Variants in NXPH1 observed in about 807,000 individuals in gnomAD.
NXPH1 encodes neurexophilin-1.
Under a neutral mutation model 23.7 loss-of-function variants are expected in NXPH1, and 5 were observed. The ratio of observed to expected loss-of-function variants is 0.21; its 90% CI spans 0.11 to 0.44. The LOEUF is 0.44. Among genes scored for constraint, NXPH1 ranks in the 20% least tolerant of loss-of-function variants. The probability of loss-of-function intolerance (pLI) is 0.99; values close to 1 mark genes in which losing one functional copy is unlikely to be tolerated. For synonymous variants in NXPH1, 144 were observed against 122.2 expected, an observed-to-expected ratio of 1.18 and a Z score of -1.18; for missense variants, 324 against 321.6, an observed-to-expected ratio of 1.01 and a Z score of -0.06.
chr7:8,717,248 G>C (rs933077344), intron 2 of NXPH1, among the ~76,000 whole-genome samples: 7 of 151,920 alleles, frequency 4.6e-5, no homozygotes, highest in African/African-American at 1.7e-4. Flanking sequence ...TTCTTGTTCT[G>C]ATTTTAAGAA....
At chr7:8,440,654 G>A (rs1368014436) in intron 2 of NXPH1, among the ~76,000 whole-genome samples, 1 of 151,986 alleles carries the variant, frequency 6.6e-6, no homozygotes. Context: ...GGTAATAACC[G>A]TCGTCGACAA....
chr7:8,639,008 T>C lies in NXPH1; in HGVS notation c.55-112000T>C, dbSNP rs539778988. ...AGATAATAACATTTAATGAAACATATATTGAAACTATGAAATGAAATGTAT... is the reference window on the plus strand; with the variant it reads ...AGATAATAACATTTAATGAAACATACATTGAAACTATGAAATGAAATGTAT... On this transcript the variant is annotated intron_variant, in intron 2 of 2. Transcript: ENST00000405863. 6.7e-3 allele frequency among the ~76,000 whole-genome samples: 1,018 copies of C among 152,236 alleles called. 16 individuals carry two copies. Among genetic ancestry groups the C allele is most frequent in the African/African-American group, 0.023 (964 of 41,544 alleles).
chr7:8,688,563 ATC>A (rs1410889768), intron 2 of NXPH1, among the ~76,000 whole-genome samples: 1 of 152,192 alleles, frequency 6.6e-6, no homozygotes, highest in Non-Finnish European at 1.5e-5. Context: ...CAGGTCATTG[ATC>A]TGTTGCATGA....
At chr7:8,461,067 A>G (rs1035970825) in intron 2 of NXPH1, among the ~76,000 whole-genome samples, 8 of 152,214 alleles carry the variant, frequency 5.3e-5, no homozygotes, top group African/African-American at 1.2e-4. Context: ...TGTGGTAGCC[A>G]TTGTCTCTTT....
At chr7:8,563,512 A>G (rs1056769369) in intron 2 of NXPH1, among the ~76,000 whole-genome samples, 56 of 151,802 alleles carry the variant, frequency 3.7e-4, no homozygotes, top group African/African-American at 1.4e-3. Context: ...TATTGATGAC[A>G]TAGGAAAGGA....
At chr7:8,684,363 C>T (rs557274885) in intron 2 of NXPH1, among the ~76,000 whole-genome samples, 14 of 152,138 alleles carry the variant, frequency 9.2e-5, no homozygotes, top group East Asian at 3.9e-4. Flanking sequence ...CTTTGATATG[C>T]GATACTTGAT....
rs1816185099 is a variant in NXPH1, at chr7:8,435,879, T to C, written c.54+112T>C. On this transcript the variant is annotated intron_variant, in intron 2 of 2. Transcript: ENST00000405863. This position sits in a 1 kb window ranked among gnomAD's most constrained non-coding sequence, Gnocchi z 5.9. ...CGCCAGTTCAGTGAGAGCAGCTTCC[T>C]AGCAGCTGTGTTGGAGCAACTTTGG... 9.8e-7 allele frequency: 1 copy of C among 1,017,398 alleles called. No individual in the cohort carries two copies. Among genetic ancestry groups the C allele is most frequent in the East Asian group, 2.4e-5 (1 of 42,134 alleles). The allele number at this position is 1,017,398 out of a possible 1,614,324, so 63.0% of individuals were successfully genotyped here. A position where few individuals can be genotyped will look rare whatever the true frequency, so the allele number is the denominator to read the frequency against.
At chr7:8,483,804 T>G (rs1817113234) in intron 2 of NXPH1, among the ~76,000 whole-genome samples, 1 of 152,114 alleles carries the variant, frequency 6.6e-6, no homozygotes, top group African/African-American at 2.4e-5. Context: ...TTCTCCAAGG[T>G]CCATAGAAGT....
At chr7:8,510,565 G>A (rs1817594975) in intron 2 of NXPH1, among the ~76,000 whole-genome samples, 1 of 152,066 alleles carries the variant, frequency 6.6e-6, no homozygotes, top group African/African-American at 2.4e-5. Flanking sequence ...ATTTTTTAAA[G>A]TTTGGTGACT....
chr7:8,680,304 A>T (rs1164482443), intron 2 of NXPH1, among the ~76,000 whole-genome samples: 1 of 152,218 alleles, frequency 6.6e-6, no homozygotes, highest in Admixed American at 6.5e-5. Flanking sequence ...TTTGTTTCAG[A>T]TGGAAGGAAC....
At chr7:8,639,905 G>A (rs1562439324) in intron 2 of NXPH1, among the ~76,000 whole-genome samples, 1 of 151,984 alleles carries the variant, frequency 6.6e-6, no homozygotes, top group South Asian at 2.1e-4. Flanking sequence ...CCAATTAAAC[G>A]TCTTTTTGTT....
chr7:8,693,833 T>C (rs1174028697), intron 2 of NXPH1, among the ~76,000 whole-genome samples: 1 of 152,192 alleles, frequency 6.6e-6, no homozygotes, highest in Non-Finnish European at 1.5e-5. Context: ...GATCTCTGCA[T>C]AATTTTTTTC....
chr7:8,655,448 CTA>C (rs1562444345), intron 2 of NXPH1, among the ~76,000 whole-genome samples: 4 of 44,560 alleles, frequency 9.0e-5, no homozygotes, highest in Admixed American at 3.3e-4. Flanking sequence ...CTCTCTCTCT[CTA>C]TACACACACA....
intron 2 of NXPH1, among the ~76,000 whole-genome samples, chr7:8,571,439 G>A (rs1033023006): frequency 1.3e-5 from 2 of 151,766 alleles, no homozygotes; most frequent in African/African-American, 4.8e-5. Context: ...GGGAACAGAG[G>A]TGGGAAAAAG....
chr7:8,591,011 A>G (rs1006317750), intron 2 of NXPH1, among the ~76,000 whole-genome samples: 4 of 152,096 alleles, frequency 2.6e-5, no homozygotes, highest in Admixed American at 6.6e-5. Context: ...GAAAGTGCTC[A>G]TGCAGTTTCA....
intron 2 of NXPH1, among the ~76,000 whole-genome samples, chr7:8,675,857 A>G (rs1208247470): frequency 6.6e-6 from 1 of 152,158 alleles, no homozygotes; most frequent in Non-Finnish European, 1.5e-5. Context: ...AATGGATTCC[A>G]ATAAATTAGT....
chr7:8,655,789 C>G (rs1199220293), intron 2 of NXPH1, among the ~76,000 whole-genome samples: 3 of 152,104 alleles, frequency 2.0e-5, no homozygotes, highest in Non-Finnish European at 4.4e-5. Flanking sequence ...GCCTAGAATT[C>G]TCTCCTCAGC....
intron 2 of NXPH1, among the ~76,000 whole-genome samples, chr7:8,596,100 G>T (rs1302951800): frequency 6.6e-6 from 1 of 151,844 alleles, no homozygotes; most frequent in Non-Finnish European, 1.5e-5. Flanking sequence ...TTTTTCCTGG[G>T]GATTTTGCAT....
chr7:8,520,940 C>T (rs1005303746), intron 2 of NXPH1, among the ~76,000 whole-genome samples: 4 of 152,134 alleles, frequency 2.6e-5, no homozygotes, highest in Admixed American at 2.6e-4. Context: ...GAGACAGCCA[C>T]AAGAAATTCT....
Sources: gnomAD v4.1 joint callset for allele counts (sites outside exome capture counted in the v4.1 genomes callset) on GRCh38, gnomAD v4.1.1 for gene constraint, Gnocchi (gnomAD v3.1) non-coding constraint, MANE v1.5 for transcripts, NCBI Gene and HGNC (gene_info 2026-07-23, HGNC 2026-07-21) for gene names.